Variants in ANK1 observed in about 807,000 individuals in gnomAD.
ANK1 encodes ankyrin-1.
ANK1 carries 51 observed loss-of-function variants against 210.4 expected under a neutral mutation model. The ratio of observed to expected loss-of-function variants is 0.24; its 90% CI spans 0.19 to 0.31. ANK1 has a LOEUF of 0.31. Among genes scored for constraint, ANK1 ranks in the 10% least tolerant of loss-of-function variants. The pLI is 1.00. For missense variants in ANK1, 2,051 were observed against 2,504.4 expected, an observed-to-expected ratio of 0.82 and a Z score of 3.86; for synonymous variants, 967 against 1,025.9, an observed-to-expected ratio of 0.94 and a Z score of 1.10.
chr8:41,709,604 A>T (rs1385934847), intron 16 of ANK1, among the ~76,000 whole-genome samples: 1 of 152,258 alleles, frequency 6.6e-6, no homozygotes, highest in Non-Finnish European at 1.5e-5. Context: ...GGTGGATCAA[A>T]CGTGATACTA....
chr8:41,889,896 C>T (rs566602850), intron 1 of ANK1, among the ~76,000 whole-genome samples: 9 of 152,180 alleles, frequency 5.9e-5, no homozygotes, highest in East Asian at 3.8e-4. Context: ...CAGATTACTG[C>T]GCAGGTCTGC....
chr8:41,746,679 C>A (rs1012120517), intron 2 of ANK1, among the ~76,000 whole-genome samples: 1 of 152,116 alleles, frequency 6.6e-6, no homozygotes, highest in Non-Finnish European at 1.5e-5. Flanking sequence ...TCGCAGCAGC[C>A]CTGTGCTCTG....
At chr8:41,728,421 G>A (rs2150663946) in intron 3 of ANK1, among the ~76,000 whole-genome samples, 1 of 152,284 alleles carries the variant, frequency 6.6e-6, no homozygotes, top group South Asian at 2.1e-4. Context: ...CTCAGAGGGT[G>A]GGAGGTGGGG....
At chr8:41,695,122 C>G in intron 27 of ANK1, 55 bp downstream of exon 27, 1 of 1,611,504 alleles carries the variant, frequency 6.2e-7, no homozygotes, top group Non-Finnish European at 8.5e-7. Flanking sequence ...TAAGGTGCAA[C>G]TCAAACCCCT....
rs1262886469 is a variant in ANK1 at position 41,693,969 on chromosome 8, G to A, written c.3461C>T (p.Ser1154Phe). 6.2e-7 allele frequency: 1 copy of A among 1,614,004 alleles called. No homozygotes were observed. The highest frequency in any genetic ancestry group is 8.5e-7 in the Non-Finnish European group (1 of 1,180,030). ...PIGLRIPLPP[S>F]WTDNPRDSGE... ...GCTGTCCCTCGGGTTGTCGGTCCAG[G>A]AAGGAGGTAGTGGGATCCGAAGCCC... The change falls in exon 29 of 43, where the codon TCC becomes TTC. Residue 1154 changes from serine (S) to phenylalanine (F), a missense_variant. Transcript: ENST00000289734.
intron 1 of ANK1, among the ~76,000 whole-genome samples, chr8:41,835,654 G>A (rs1274909520): frequency 6.6e-6 from 1 of 152,234 alleles, no homozygotes. Context: ...GGCTGCTTCT[G>A]TGCAGCCTGC....
chr8:41,880,814 G>T (rs1207279729), intron 1 of ANK1, among the ~76,000 whole-genome samples: 2 of 152,250 alleles, frequency 1.3e-5, no homozygotes, highest in African/African-American at 4.8e-5. Context: ...GAGGCGCCTG[G>T]TGGGTCCTGA....
intron 1 of ANK1, among the ~76,000 whole-genome samples, chr8:41,775,603 G>A (rs911884203): frequency 6.6e-6 from 1 of 152,220 alleles, no homozygotes. Context: ...CAGTTAGCAG[G>A]GCATGGTGGC....
At chr8:41,755,302 G>C (rs1358202145) in intron 2 of ANK1, among the ~76,000 whole-genome samples, 1 of 152,226 alleles carries the variant, frequency 6.6e-6, no homozygotes, top group Non-Finnish European at 1.5e-5. Context: ...GACCAATCAG[G>C]ACACAGCTAT....
chr8:41,827,351 G>C (rs1212819023), intron 1 of ANK1, among the ~76,000 whole-genome samples: 1 of 152,214 alleles, frequency 6.6e-6, no homozygotes, highest in Non-Finnish European at 1.5e-5. Flanking sequence ...CTCCGCCAGA[G>C]TAGCTGGCCA....
intron 1 of ANK1, among the ~76,000 whole-genome samples, chr8:41,845,273 TA>T (rs1356882669): frequency 1.3e-5 from 2 of 151,580 alleles, no homozygotes; most frequent in Non-Finnish European, 2.9e-5. Context: ...TAGACCCAGC[TA>T]CTGGGGAGGC....
rs973666713 is a variant in ANK1 at position 41,786,282 on chromosome 8, C to A, written c.27+11230G>T. On this transcript the variant is annotated intron_variant, in intron 1 of 42. Coordinates refer to ENST00000289734, the MANE Select transcript of ANK1 (RefSeq NM_000037.4). ...CCTGTAGGAGTCAGGGCTGGAGGGGCGTCTACAGGCAGCCCTGGGTGTTGC... is the reference window on the plus strand; with the variant it reads ...CCTGTAGGAGTCAGGGCTGGAGGGGAGTCTACAGGCAGCCCTGGGTGTTGC... Among the ~76,000 whole-genome samples the A allele has an allele frequency of 4.6e-5, 7 of 152,130 alleles. No individual in the cohort carries two copies. In the South Asian group the frequency reaches 1.2e-3, roughly 27 times the overall value.
At position 41,692,853 on chromosome 8, in the gene ANK1, C is replaced by T. The variant is rs758602146; in HGVS notation, c.3653G>A (p.Arg1218Gln). Residue 1218 changes from arginine to glutamine, a missense_variant, in exon 31 of 43, where the codon CGG (arginine) becomes CAG (glutamine). By Grantham distance (43) the Arg-to-Gln change is conservative (BLOSUM62 1). Coordinates refer to ENST00000289734, the MANE Select transcript of ANK1 (RefSeq NM_000037.4). The stretch of plus-strand genomic sequence containing the variant: ...GGCAAAGTTCACAGCCTCAGCAGTC[C>T]GAGGACAGTCCGACAGCCAAAACCT... ...SARFWLSDCP[R>Q]TAEAVNFATL... is the part of the protein sequence containing the mutation. 27 of 1,613,794 alleles carry T rather than the reference C, an allele frequency of 1.7e-5. No homozygotes were observed. The Admixed American group carries it at 2.5e-4, about 15-fold the overall frequency.
In ANK1 at chr8:41,661,476, C is replaced by A; in HGVS notation, c.5633G>T (p.Gly1878Val). 6.2e-7 allele frequency: 1 copy of A among 1,614,074 alleles called. No individual in the cohort carries two copies. Among genetic ancestry groups the A allele is most frequent in the South Asian group, 1.1e-5 (1 of 91,076 alleles). ...QIVKRASLKR[G>V]KQ ...GAGAGCGGCTCGGGGTCACTGTTTC[C>A]CCCTTTTCAGGCTGGCCCGCTTCAC... is the stretch of plus-strand genomic sequence containing the variant. Residue 1878 changes from glycine to valine, a missense_variant, in exon 42 of 43, where the codon GGG becomes GTG. Gly to Val is a moderately radical substitution (Grantham distance 109). Around this residue, in one of 6 missense-constraint regions of ANK1, gnomAD observed 496 missense variants for 533.4 expected, o/e 0.93. Transcript: ENST00000289734.
At chr8:41,714,069 T>G in intron 16 of ANK1, 87 bp downstream of exon 16, 1 of 967,222 alleles carries the variant, frequency 1.0e-6, no homozygotes, top group Non-Finnish European at 1.4e-6. Flanking sequence ...ACCCTTGGGC[T>G]GCTGTGGAAA....
At chr8:41,754,012 T>C (rs1478077693) in intron 2 of ANK1, among the ~76,000 whole-genome samples, 1 of 152,238 alleles carries the variant, frequency 6.6e-6, no homozygotes, top group Non-Finnish European at 1.5e-5. Context: ...CCTCTGACTC[T>C]AGGGCAGTCC....
At chr8:41,780,714 C>CTGTGTGTGCATGCGTGCA (rs1369002391) in intron 1 of ANK1, among the ~76,000 whole-genome samples, 1 of 152,110 alleles carries the variant, frequency 6.6e-6, no homozygotes, top group Non-Finnish European at 1.5e-5. Context: ...GCACGTGTGC[C>CTGTGTGTGCATGCGTGCA]TGTGTGTGCA....
chr8:41,803,078 A>AGGAAGGAAGGAAGGGAAGGGAAG (rs1554630992), intron 1 of ANK1, among the ~76,000 whole-genome samples: 25 of 74,986 alleles, frequency 3.3e-4, no homozygotes, highest in South Asian at 1.1e-3. Flanking sequence ...GAAGGAAGGA[A>AGGAAGGAAGGAAGGGAAGGGAAG]GGAAGGGAAG....
At chr8:41,724,643 G>C (rs1353135338) in intron 6 of ANK1, 89 bp from the exon 7 acceptor site, 2 of 1,210,676 alleles carry the variant, frequency 1.7e-6, no homozygotes, top group Non-Finnish European at 2.4e-6. Flanking sequence ...CTCAGGTGGG[G>C]CAACAGGACT....
Sources: allele counts gnomAD v4.1 joint callset (sites outside exome capture counted in the v4.1 genomes callset), GRCh38; gene constraint gnomAD v4.1.1; regional missense constraint gnomAD v4.1.1; transcripts MANE v1.5; gene names NCBI Gene and HGNC (gene_info 2026-07-23, HGNC 2026-07-21).